The following HS2ST1 variants were observed in gnomAD, a reference collection of about 807,000 sequenced individuals.
HS2ST1 encodes 2-O-sulfotransferase.
Under a neutral mutation model 42.9 loss-of-function variants are expected in HS2ST1, and 18 were observed. The observed-to-expected ratio is 0.42, with a 90% CI of 0.29 to 0.62. The LOEUF (loss-of-function observed/expected upper bound fraction) is 0.62. HS2ST1 is among the 20% of genes least tolerant of loss of function. The pLI is 0.21. For missense variants in HS2ST1, 334 were observed against 433.8 expected, an observed-to-expected ratio of 0.77 and a Z score of 2.04; for synonymous variants, 146 against 152.9, an observed-to-expected ratio of 0.95 and a Z score of 0.33.
At chr1:87,092,445 A>T in intron 3 of HS2ST1, 86 bp from the exon 4 acceptor site, 1 of 792,114 alleles carries the variant, frequency 1.3e-6, no homozygotes, top group Non-Finnish European at 1.8e-6. Flanking sequence ...TAGGACCAGT[A>T]CTTCAGACTT....
At chr1:87,094,200 AAT>A (rs1339404740) in intron 4 of HS2ST1, among the ~76,000 whole-genome samples, 7 of 151,990 alleles carry the variant, frequency 4.6e-5, no homozygotes, top group Admixed American at 3.9e-4. Flanking sequence ...TGACCAAAGT[AAT>A]ATTAGCGTCG....
At chr1:86,958,840 C>T (rs1484436942) in intron 1 of HS2ST1, among the ~76,000 whole-genome samples, 9 of 152,020 alleles carry the variant, frequency 5.9e-5, no homozygotes, top group African/African-American at 2.2e-4. Context: ...AATCCTCAAC[C>T]GAATATTAGC....
At chr1:87,022,087 G>A (rs962803719) in intron 1 of HS2ST1, among the ~76,000 whole-genome samples, 6 of 152,084 alleles carry the variant, frequency 3.9e-5, no homozygotes, top group African/African-American at 1.4e-4. Context: ...TTAGTAGAAT[G>A]GGTGAAGTCA....
At chr1:86,949,804 C>G (rs1351150213) in intron 1 of HS2ST1, among the ~76,000 whole-genome samples, 1 of 152,088 alleles carries the variant, frequency 6.6e-6, no homozygotes, top group Non-Finnish European at 1.5e-5. Flanking sequence ...CAGTTTTACC[C>G]CCAATAATTA....
intron 1 of HS2ST1, chr1:86,992,894 A>G (rs2100561975): frequency 1.8e-6 from 1 of 557,354 alleles, no homozygotes; most frequent in Non-Finnish European, 3.1e-6. Context: ...AAGATTGTAG[A>G]AGAATTTAAT....
intron 1 of HS2ST1, among the ~76,000 whole-genome samples, chr1:86,970,154 TAAA>T (rs1648188240): frequency 6.6e-6 from 1 of 152,032 alleles, no homozygotes; most frequent in African/African-American, 2.4e-5. Flanking sequence ...AGTATTTAGT[TAAA>T]GAGACAACTT....
intron 1 of HS2ST1, among the ~76,000 whole-genome samples, chr1:87,031,761 A>G (rs1489992971): frequency 1.3e-5 from 2 of 152,188 alleles, no homozygotes; most frequent in African/African-American, 4.8e-5. Context: ...CTGATCTACA[A>G]TGTTATTGCA....
At chr1:87,085,890 A>T (rs1369984687) in intron 3 of HS2ST1, among the ~76,000 whole-genome samples, 3 of 152,188 alleles carry the variant, frequency 2.0e-5, no homozygotes, top group Non-Finnish European at 2.9e-5. Flanking sequence ...TTTTGAAGAG[A>T]TTAATCTCAT....
rs1358235936 is a variant in HS2ST1, at chr1:86,936,332, T to TGTTATAGAATG, written c.124+21173_124+21174insTTATAGAATGG. On this transcript the variant is annotated intron_variant, in intron 1 of 6. Transcript: ENST00000370550. Reference sequence around the variant, plus strand: ...TATTTTTGTTTCTATAACATGTCATTGCATTGGCTAGGCTAGATTTCCAAA... The same window carrying TGTTATAGAATG: ...TATTTTTGTTTCTATAACATGTCATTGTTATAGAATGGCATTGGCTAGGCTAGATTTCCAAA... 9.8e-5 allele frequency among the ~76,000 whole-genome samples: 15 copies of TGTTATAGAATG among 152,336 alleles called. No homozygotes were observed. In the East Asian group the frequency reaches 2.9e-3, roughly 29 times the overall value.
intron 1 of HS2ST1, among the ~76,000 whole-genome samples, chr1:86,990,477 G>A (rs1384855933): frequency 1.3e-5 from 2 of 151,982 alleles, no homozygotes; most frequent in African/African-American, 4.8e-5. Flanking sequence ...ACCTAAGCAT[G>A]CAAGAAAAAG....
chr1:87,098,033 A>G, intron 5 of HS2ST1, 98 bp downstream of exon 5: 2 of 1,544,230 alleles, frequency 1.3e-6, no homozygotes, highest in Non-Finnish European at 1.7e-6. Flanking sequence ...AAATCGGTGA[A>G]AGACTAGACT....
intron 1 of HS2ST1, among the ~76,000 whole-genome samples, chr1:86,977,813 A>T (rs1648465629): frequency 6.6e-6 from 1 of 152,204 alleles, no homozygotes; most frequent in Non-Finnish European, 1.5e-5. Context: ...TTTTTCAGAG[A>T]TGCAGAAATA....
chr1:87,015,531 A>C (rs1649729842), intron 1 of HS2ST1, among the ~76,000 whole-genome samples: 2 of 149,508 alleles, frequency 1.3e-5, no homozygotes, highest in South Asian at 4.2e-4. Context: ...TTTTTAGTGG[A>C]GACAGGGTTT....
intron 1 of HS2ST1, among the ~76,000 whole-genome samples, chr1:87,008,040 TAAGA>T (rs1295076565): frequency 6.6e-6 from 1 of 152,174 alleles, no homozygotes; most frequent in Non-Finnish European, 1.5e-5. Context: ...AGCATATAAC[TAAGA>T]AAGGTACTCA....
chr1:87,097,789 G>T (rs756783172), intron 4 of HS2ST1, 49 bp from the exon 5 acceptor site: 4 of 1,607,276 alleles, frequency 2.5e-6, no homozygotes, highest in Non-Finnish European at 3.4e-6. Flanking sequence ...TATTTGATAG[G>T]TGAGACTTGG....
At chr1:87,042,248 G>A (rs1414686049) in intron 1 of HS2ST1, among the ~76,000 whole-genome samples, 2 of 152,188 alleles carry the variant, frequency 1.3e-5, no homozygotes, top group East Asian at 1.9e-4. Flanking sequence ...TATGTGGTTA[G>A]CAAATATATT....
intron 3 of HS2ST1, among the ~76,000 whole-genome samples, chr1:87,086,632 C>A (rs1157135183): frequency 6.6e-6 from 1 of 151,984 alleles, no homozygotes; most frequent in African/African-American, 2.4e-5. Flanking sequence ...TCTAGTTTAG[C>A]CCGACCACGA....
At chr1:87,015,370 CAG>C (rs1649723208) in intron 1 of HS2ST1, among the ~76,000 whole-genome samples, 1 of 99,642 alleles carries the variant, frequency 1.0e-5, no homozygotes, top group Non-Finnish European at 1.9e-5. Context: ...TTTTTTGAGA[CAG>C]AGTCTCGTTC....
chr1:86,964,887 A>G (rs897199100), intron 1 of HS2ST1, among the ~76,000 whole-genome samples: 2 of 152,132 alleles, frequency 1.3e-5, no homozygotes, highest in Non-Finnish European at 2.9e-5. Context: ...CACTCTCTTC[A>G]TATGTGAAGA....
Sources: allele counts gnomAD v4.1 joint callset (sites outside exome capture counted in the v4.1 genomes callset), GRCh38; gene constraint gnomAD v4.1.1; transcripts MANE v1.5; gene names NCBI Gene and HGNC (gene_info 2026-07-23, HGNC 2026-07-21).